The following ANO3 variants were observed in gnomAD, a reference collection of about 807,000 sequenced individuals.
The protein encoded by ANO3 is anoctamin-3.
ANO3 carries 99 observed loss-of-function variants against 144.8 expected under a neutral mutation model. The ratio of observed to expected loss-of-function variants is 0.68; its 90% CI spans 0.58 to 0.81. The LOEUF (loss-of-function observed/expected upper bound fraction) is 0.81, where lower values mean the gene tolerates loss of function less well. Ranked by LOEUF, ANO3 falls within the 30% of genes least tolerant of loss-of-function variation. ANO3 has a pLI of 0.00. For synonymous variants in ANO3, 414 were observed against 392.6 expected (o/e 1.05, Z -0.64); for missense variants, 905 against 1,202.2 (o/e 0.75, Z 3.66).
At chr11:26,415,269 G>A (rs146455379) in intron 1 of ANO3, among the ~76,000 whole-genome samples, 2 of 151,958 alleles carry the variant, frequency 1.3e-5, no homozygotes, top group East Asian at 1.9e-4. Flanking sequence ...TTCTAAAAAC[G>A]AGAGTGCTAT....
At chr11:26,226,379 T>G (rs1852257788) in intron 1 of ANO3, among the ~76,000 whole-genome samples, 1 of 152,142 alleles carries the variant, frequency 6.6e-6, no homozygotes, top group Non-Finnish European at 1.5e-5. Flanking sequence ...CTTTCAATTT[T>G]GGTTATAAAC....
intron 1 of ANO3, among the ~76,000 whole-genome samples, chr11:26,379,800 A>T (rs1191177309): frequency 2.6e-5 from 4 of 152,068 alleles, no homozygotes; most frequent in African/African-American, 9.7e-5. Context: ...CAAAAAAAGA[A>T]TGGTGAAAAT....
intron 3 of ANO3, among the ~76,000 whole-genome samples, chr11:26,452,538 T>A (rs1278995157): frequency 2.6e-5 from 4 of 152,018 alleles, no homozygotes; most frequent in African/African-American, 2.4e-5. Context: ...GAAAAAAGAA[T>A]AAAAAGAAAC....
intron 1 of ANO3, among the ~76,000 whole-genome samples, chr11:26,362,701 CT>C (rs1855959590): frequency 6.6e-6 from 1 of 152,158 alleles, no homozygotes; most frequent in Non-Finnish European, 1.5e-5. Context: ...AAATGCACTT[CT>C]TTTTCAAATG....
Position 26,662,265 on chromosome 11 carries a change from CGTT to C in ANO3, c.*1825_*1827del, listed in dbSNP as rs1051699429. On this transcript the variant is annotated 3_prime_UTR_variant, in exon 27 of 27. Coordinates refer to ENST00000256737, the MANE Select transcript of ANO3 (RefSeq NM_031418.4). ...CAGACTCTGAACTTCCCTCAAGTGC[CGTT>C]GTTATGTGAAACTCTTCCATTCAGA... is the stretch of plus-strand genomic sequence containing the variant. 2 of 151,906 alleles carry C rather than the reference CGTT, an allele frequency of 1.3e-5. No homozygotes were observed. Among genetic ancestry groups the C allele is most frequent in the African/African-American group, 4.8e-5 (2 of 41,368 alleles). The allele number at this position is 151,906 out of a possible 1,614,324, so 9.4% of individuals were successfully genotyped here.
At chr11:26,490,712 A>T (rs1009680837) in intron 4 of ANO3, among the ~76,000 whole-genome samples, 5 of 152,220 alleles carry the variant, frequency 3.3e-5, no homozygotes, top group African/African-American at 1.2e-4. Flanking sequence ...TGCAGACTAG[A>T]CTTCCCACAT....
intron 1 of ANO3, among the ~76,000 whole-genome samples, chr11:26,409,985 A>T (rs556530848): frequency 1.4e-4 from 21 of 152,080 alleles, no homozygotes; most frequent in African/African-American, 5.1e-4. Flanking sequence ...CCTGATCCAG[A>T]ATTATTTTTC....
intron 1 of ANO3, among the ~76,000 whole-genome samples, chr11:26,225,256 G>C (rs1359517121): frequency 6.6e-6 from 1 of 152,044 alleles, no homozygotes; most frequent in Non-Finnish European, 1.5e-5. Flanking sequence ...TGTGGGGCTT[G>C]AAGCTCGTAT....
Position 26,411,485 on chromosome 11 carries a change from A to G in ANO3, c.47-30433A>G, listed in dbSNP as rs920060321. 3.9e-5 allele frequency among the ~76,000 whole-genome samples: 6 copies of G among 152,150 alleles called. No homozygotes were observed. The East Asian group carries it at 1.2e-3, about 30-fold the overall frequency. Reference sequence around the variant, plus strand: ...GATAGTATAGAAGTAAACCATATAGAAAAGAAGTTAGATTATTAAATAAAT... The same window carrying G: ...GATAGTATAGAAGTAAACCATATAGGAAAGAAGTTAGATTATTAAATAAAT... On this transcript the variant is annotated intron_variant, in intron 1 of 26. Coordinates refer to ENST00000256737, the MANE Select transcript of ANO3 (RefSeq NM_031418.4).
intron 4 of ANO3, among the ~76,000 whole-genome samples, chr11:26,480,144 A>G (rs1860153185): frequency 6.6e-6 from 1 of 152,204 alleles, no homozygotes; most frequent in African/African-American, 2.4e-5. Context: ...TAACAGTCTC[A>G]TGCAGAAACT....
chr11:26,445,529 T>A (rs192551419), intron 3 of ANO3, among the ~76,000 whole-genome samples: 160 of 152,344 alleles, frequency 1.1e-3, no homozygotes, highest in Non-Finnish European at 1.6e-3. Context: ...GTCTCGGTTA[T>A]TTGTTCCAGC....
chr11:26,641,803 G>A, intron 21 of ANO3, 93 bp from the exon 22 acceptor site: 1 of 1,269,076 alleles, frequency 7.9e-7, no homozygotes, highest in Non-Finnish European at 1.0e-6. Flanking sequence ...CGAGGAGCTG[G>A]AATTGGTTTT....
At chr11:26,189,678 G>T (rs1311661553) in intron 1 of ANO3, among the ~76,000 whole-genome samples, 1 of 152,074 alleles carries the variant, frequency 6.6e-6, no homozygotes, top group African/African-American at 2.4e-5. Flanking sequence ...ACCATAAACT[G>T]CAAAGAAAAC....
intron 1 of ANO3, among the ~76,000 whole-genome samples, chr11:26,441,165 TG>T (rs1215043173): frequency 6.4e-5 from 8 of 125,832 alleles, no homozygotes; most frequent in Non-Finnish European, 1.1e-4. Flanking sequence ...TCGCCCAGGC[TG>T]GAGTGCAGTG....
At chr11:26,220,990 C>T (rs1256672550) in intron 1 of ANO3, among the ~76,000 whole-genome samples, 2 of 152,120 alleles carry the variant, frequency 1.3e-5, no homozygotes, top group African/African-American at 4.8e-5. Flanking sequence ...GTGGCTCATT[C>T]AAGAGTATAG....
Position 26,259,382 on chromosome 11 carries a change from G to GTTCATA in ANO3, c.155-50263_155-50262insTTCATA, listed in dbSNP as rs1564937458. Among the ~76,000 whole-genome samples the GTTCATA allele has an allele frequency of 3.9e-5, 6 of 152,288 alleles. No individual in the cohort carries two copies. In the East Asian group the frequency reaches 1.2e-3, roughly 29 times the overall value. On this transcript the variant is annotated intron_variant, in intron 1 of 27. Transcript: ENST00000672621. ...GTGATAAAAATGGCCAGGCATGGTG[G>GTTCATA]CTCACGCCTATAATTCCACCTCTTT...
chr11:26,472,658 T>G (rs2134073372), intron 4 of ANO3, among the ~76,000 whole-genome samples: 1 of 151,934 alleles, frequency 6.6e-6, no homozygotes, highest in African/African-American at 2.4e-5. Flanking sequence ...ATATTGTGGG[T>G]TTTTTCAATG....
At chr11:26,391,503 G>A (rs547562469) in intron 1 of ANO3, among the ~76,000 whole-genome samples, 1 of 152,078 alleles carries the variant, frequency 6.6e-6, no homozygotes, top group Non-Finnish European at 1.5e-5. Flanking sequence ...GATCCTTTAA[G>A]AGTCAAGGGA....
intron 1 of ANO3, among the ~76,000 whole-genome samples, chr11:26,380,798 A>G (rs1856568862): frequency 6.6e-6 from 1 of 152,140 alleles, no homozygotes; most frequent in South Asian, 2.1e-4. Flanking sequence ...CCTGACCAAC[A>G]TGGTGAAACC....
Sources: gnomAD v4.1 joint callset for allele counts (sites outside exome capture counted in the v4.1 genomes callset) on GRCh38, gnomAD v4.1.1 for gene constraint, MANE v1.5 for transcripts, NCBI Gene and HGNC (gene_info 2026-07-23, HGNC 2026-07-21) for gene names.